The following SLC8A1 variants were observed in gnomAD, a reference collection of about 807,000 sequenced individuals.
The protein encoded by SLC8A1 is sodium/calcium exchanger 1.
In SLC8A1, 18 loss-of-function variants were observed where a neutral mutation model predicts 68.3. The ratio of observed to expected loss-of-function variants is 0.26; its 90% CI spans 0.18 to 0.39. The LOEUF (loss-of-function observed/expected upper bound fraction) is 0.39, where lower values mean the gene tolerates loss of function less well. Among genes scored for constraint, SLC8A1 ranks in the 10% least tolerant of loss-of-function variants. SLC8A1 has a pLI of 1.00. For missense variants in SLC8A1, 985 were observed against 1,156.7 expected, an observed-to-expected ratio of 0.85 and a Z score of 2.15; for synonymous variants, 475 against 415.5, an observed-to-expected ratio of 1.14 and a Z score of -1.74.
At chr2:40,429,275 T>G in exon 2 of SLC8A1, 1 of 1,613,972 alleles carries the variant, frequency 6.2e-7, no homozygotes, top group Non-Finnish European at 8.5e-7. Context: ...TCTGGATGCT[T>G]CTGCTTAAGT....
chr2:40,227,534 G>A lies in SLC8A1; in HGVS notation c.1809-49679C>T, dbSNP rs149210987. On this transcript the variant is annotated intron_variant, in intron 2 of 7. Coordinates refer to ENST00000406785, the Ensembl canonical transcript of SLC8A1. The stretch of plus-strand genomic sequence containing the variant: ...TAAATGATGAGAACACATGAACACA[G>A]AGGGAAACAACACATACTGGGGTCT... 7.4e-3 allele frequency among the ~76,000 whole-genome samples: 1,127 copies of A among 152,074 alleles called. 6 individuals carry two copies. The highest frequency in any genetic ancestry group is 0.012 in the Non-Finnish European group (835 of 67,990).
intron 2 of SLC8A1, among the ~76,000 whole-genome samples, chr2:40,391,975 A>G (rs1370810248): frequency 2.6e-5 from 4 of 151,952 alleles, no homozygotes; most frequent in Non-Finnish European, 5.9e-5. Flanking sequence ...AATTTGACTT[A>G]TTTCTTCTCA....
At chr2:40,446,576 G>A (rs1288500486) in intron 1 of SLC8A1, 1 of 152,262 alleles carries the variant, frequency 6.6e-6, no homozygotes, top group Non-Finnish European at 1.5e-5. Context: ...TCAGCACTTT[G>A]CTCAGTTGCA....
intron 2 of SLC8A1, among the ~76,000 whole-genome samples, chr2:40,348,721 G>C (rs924998457): frequency 2.0e-5 from 3 of 152,080 alleles, no homozygotes; most frequent in Non-Finnish European, 4.4e-5. Context: ...GTGAGGACAT[G>C]AAGAGTGCCA....
chr2:40,301,130 C>A (rs2071383094), intron 2 of SLC8A1, among the ~76,000 whole-genome samples: 1 of 152,066 alleles, frequency 6.6e-6, no homozygotes, highest in South Asian at 2.1e-4. Flanking sequence ...GCTCCATGAC[C>A]TGGGATAAAA....
At chr2:40,116,582 G>A (rs1282355960) in intron 7 of SLC8A1, among the ~76,000 whole-genome samples, 1 of 151,964 alleles carries the variant, frequency 6.6e-6, no homozygotes, top group South Asian at 2.1e-4. Context: ...TTGTTCTTGC[G>A]ATAGTTTACT....
At chr2:40,387,151 CTCTG>C (rs1683826957) in intron 2 of SLC8A1, among the ~76,000 whole-genome samples, 1 of 151,468 alleles carries the variant, frequency 6.6e-6, no homozygotes, top group South Asian at 2.1e-4. Flanking sequence ...CAACCTCCAT[CTCTG>C]TCTTTCTTTC....
chr2:40,194,478 T>C (rs940153603), intron 2 of SLC8A1, among the ~76,000 whole-genome samples: 2 of 140,342 alleles, frequency 1.4e-5, no homozygotes, highest in African/African-American at 3.0e-5. Context: ...AATGTGTGTG[T>C]GTGTGTGTGT....
At chr2:40,434,383 C>G (rs529432065) in intron 1 of SLC8A1, among the ~76,000 whole-genome samples, 1 of 152,112 alleles carries the variant, frequency 6.6e-6, no homozygotes, top group Non-Finnish European at 1.5e-5. Context: ...CAAATGCCCA[C>G]GAAGATGTGG....
chr2:40,169,971 C>T (rs1228052260), intron 4 of SLC8A1, among the ~76,000 whole-genome samples: 1 of 152,088 alleles, frequency 6.6e-6, no homozygotes, highest in Non-Finnish European at 1.5e-5. Flanking sequence ...CTTCATTACA[C>T]TTGGGATAAA....
At chr2:40,158,823 A>G (rs1034573272) in intron 6 of SLC8A1, among the ~76,000 whole-genome samples, 2 of 152,150 alleles carry the variant, frequency 1.3e-5, no homozygotes, top group African/African-American at 4.8e-5. Context: ...AATATTAAAC[A>G]CAACATATGA....
At chr2:40,472,705 T>C (rs1006114300) in intron 1 of SLC8A1, among the ~76,000 whole-genome samples, 5 of 152,110 alleles carry the variant, frequency 3.3e-5, no homozygotes, top group Non-Finnish European at 5.9e-5. Flanking sequence ...CCCATACCCA[T>C]TCTAGGTGCT....
intron 2 of SLC8A1, among the ~76,000 whole-genome samples, chr2:40,335,342 G>A (rs1188248304): frequency 6.6e-6 from 1 of 152,110 alleles, no homozygotes; most frequent in Non-Finnish European, 1.5e-5. Flanking sequence ...ACTGAAAGAA[G>A]AAACATCTAC....
At chr2:40,210,426 C>G (rs17025570) in intron 2 of SLC8A1, among the ~76,000 whole-genome samples, 17,565 of 152,202 alleles carry the variant, frequency 0.12, 1,100 homozygotes, top group Non-Finnish European at 0.13. Context: ...GGGGATCATC[C>G]AGTGCTTGTC....
intron 1 of SLC8A1, chr2:40,446,519 T>C (rs2149850962): frequency 6.6e-6 from 1 of 152,314 alleles, no homozygotes; most frequent in South Asian, 2.1e-4. Context: ...AAATGCTTCC[T>C]CCTCCGTGAA....
chr2:40,154,047 A>G (rs2043945447), intron 6 of SLC8A1, among the ~76,000 whole-genome samples: 1 of 152,218 alleles, frequency 6.6e-6, no homozygotes, highest in African/African-American at 2.4e-5. Context: ...CTGAAAGCCT[A>G]CTGGAATTAG....
intron 1 of SLC8A1, among the ~76,000 whole-genome samples, chr2:40,433,771 T>C (rs1291793669): frequency 6.6e-6 from 1 of 152,192 alleles, no homozygotes; most frequent in Non-Finnish European, 1.5e-5. Context: ...CATTATATCA[T>C]CCCTGATAGT....
chr2:40,292,641 T>C (rs2069538440), intron 2 of SLC8A1, among the ~76,000 whole-genome samples: 1 of 152,200 alleles, frequency 6.6e-6, no homozygotes, highest in Admixed American at 6.6e-5. Flanking sequence ...TGTGATCTAT[T>C]AAATCAGTAA....
intron 2 of SLC8A1, among the ~76,000 whole-genome samples, chr2:40,181,693 C>T (rs986107642): frequency 1.3e-4 from 20 of 152,144 alleles, no homozygotes; most frequent in African/African-American, 4.6e-4. Flanking sequence ...TGAATTAGCC[C>T]TTTAAATCAA....
Sources: gnomAD v4.1 joint callset for allele counts (sites outside exome capture counted in the v4.1 genomes callset) on GRCh38, gnomAD v4.1.1 for gene constraint, MANE v1.5 for transcripts, NCBI Gene and HGNC (gene_info 2026-07-23, HGNC 2026-07-21) for gene names.